The following WWOX variants were observed in gnomAD, a reference collection of about 807,000 sequenced individuals.
The protein encoded by WWOX is WW domain-containing oxidoreductase.
Under a neutral mutation model 46.2 loss-of-function variants are expected in WWOX, and 69 were observed. That is an observed-to-expected ratio of 1.49 (90% CI 1.23 to 1.82). The LOEUF (loss-of-function observed/expected upper bound fraction) is 1.82. WWOX is among the 40% of genes most tolerant of loss of function. The probability of loss-of-function intolerance (pLI) is 0.00; values close to 1 mark genes in which losing one functional copy is unlikely to be tolerated. For synonymous variants in WWOX, 359 were observed against 202.6 expected, an observed-to-expected ratio of 1.77 and a Z score of -6.56; for missense variants, 919 against 542.6, an observed-to-expected ratio of 1.69 and a Z score of -6.89.
At chr16:78,751,131 C>G (rs1041635686) in intron 8 of WWOX, among the ~76,000 whole-genome samples, 31 of 152,172 alleles carry the variant, frequency 2.0e-4, no homozygotes, top group Admixed American at 1.9e-3. Context: ...ACAGTTGAAA[C>G]CATTCCTACT....
intron 8 of WWOX, among the ~76,000 whole-genome samples, chr16:78,465,750 A>G (rs2084060613): frequency 6.6e-6 from 1 of 152,218 alleles, no homozygotes; most frequent in Admixed American, 6.5e-5. Context: ...AGAGGGCACC[A>G]GTAGTGTAAT....
At chr16:78,529,623 C>T (rs986983979) in intron 8 of WWOX, among the ~76,000 whole-genome samples, 4 of 152,056 alleles carry the variant, frequency 2.6e-5, no homozygotes, top group African/African-American at 9.7e-5. Context: ...CATGCCATCA[C>T]ACCTGGCAAT....
At chr16:78,782,981 C>T (rs1392458660) in intron 8 of WWOX, among the ~76,000 whole-genome samples, 1 of 152,184 alleles carries the variant, frequency 6.6e-6, no homozygotes, top group South Asian at 2.1e-4. Context: ...TGCCTGTGAA[C>T]ACAGGGATTT....
chr16:78,391,954 C>T (rs2082182270), intron 6 of WWOX, among the ~76,000 whole-genome samples: 2 of 151,318 alleles, frequency 1.3e-5, no homozygotes, highest in Non-Finnish European at 2.9e-5. Context: ...AATCAGGATT[C>T]AAATAAGGTC....
chr16:78,377,429 A>G (rs1010423163), intron 5 of WWOX, among the ~76,000 whole-genome samples: 1 of 152,228 alleles, frequency 6.6e-6, no homozygotes, highest in Non-Finnish European at 1.5e-5. Flanking sequence ...TTTACGCTTC[A>G]ACTTATTGTA....
chr16:79,094,811 G>GTTTC (rs1323193193), intron 8 of WWOX, among the ~76,000 whole-genome samples: 4 of 152,216 alleles, frequency 2.6e-5, no homozygotes, highest in Middle Eastern at 3.4e-3. Context: ...GAATGACAGT[G>GTTTC]TTTCTTTCAT....
At chr16:78,795,206 G>A (rs1255231899) in intron 8 of WWOX, among the ~76,000 whole-genome samples, 1 of 152,096 alleles carries the variant, frequency 6.6e-6, no homozygotes, top group Non-Finnish European at 1.5e-5. Context: ...GTGCTTTGCG[G>A]GCATTATGTT....
intron 8 of WWOX, among the ~76,000 whole-genome samples, chr16:78,518,377 A>G (rs1258860754): frequency 2.6e-5 from 4 of 151,910 alleles, no homozygotes; most frequent in Non-Finnish European, 5.9e-5. Context: ...GACTATAGGC[A>G]CCTGGCTAAT....
rs569525213 is a variant in WWOX at position 78,710,397 on chromosome 16, G to A, written c.1056+277645G>A. On this transcript the variant is annotated intron_variant, in intron 8 of 8. Transcript: ENST00000566780. The stretch of plus-strand genomic sequence containing the variant: ...TAACCCTCCAGAGCCTTCCGCATCT[G>A]CTATGCAGCATTGGCCACACCAGTG... Among the ~76,000 whole-genome samples, 76 of 146,092 alleles carry A rather than the reference G, an allele frequency of 5.2e-4. 1 individual carries two copies. Among genetic ancestry groups the A allele is most frequent in the Non-Finnish European group, 1.0e-3 (67 of 67,082 alleles).
intron 8 of WWOX, among the ~76,000 whole-genome samples, chr16:78,557,140 TC>T (rs1009427444): frequency 1.3e-5 from 2 of 152,338 alleles, no homozygotes; most frequent in East Asian, 1.9e-4. Flanking sequence ...CATTTGGACT[TC>T]CTTTTTGTAG....
chr16:78,554,031 G>A (rs1469834833), intron 8 of WWOX, among the ~76,000 whole-genome samples: 1 of 152,076 alleles, frequency 6.6e-6, no homozygotes, highest in Non-Finnish European at 1.5e-5. Flanking sequence ...AAGCAGGGAG[G>A]CAACAAATCT....
chr16:78,250,946 T>C (rs111764963), intron 5 of WWOX, among the ~76,000 whole-genome samples: 100 of 152,316 alleles, frequency 6.6e-4, no homozygotes, highest in African/African-American at 2.3e-3. Flanking sequence ...GGGACAGGCA[T>C]GGGGCACAGA....
chr16:78,600,432 C>T (rs1433209659), intron 8 of WWOX, among the ~76,000 whole-genome samples: 4 of 152,116 alleles, frequency 2.6e-5, no homozygotes, highest in African/African-American at 7.2e-5. Context: ...ATCAAGGACT[C>T]GGATTTTTAT....
chr16:78,934,470 C>G (rs2045693317), intron 8 of WWOX, among the ~76,000 whole-genome samples: 1 of 141,080 alleles, frequency 7.1e-6, no homozygotes, highest in African/African-American at 2.6e-5. Flanking sequence ...GATCACGCCA[C>G]TGCACTGCAG....
At chr16:78,209,739 T>TA (rs5818116) in intron 5 of WWOX, among the ~76,000 whole-genome samples, 11 of 145,868 alleles carry the variant, frequency 7.5e-5, no homozygotes, top group Non-Finnish European at 1.2e-4. Flanking sequence ...TTGCGGAGAT[T>TA]AAAAAAAAAA....
intron 8 of WWOX, among the ~76,000 whole-genome samples, chr16:78,958,646 A>G (rs2046216018): frequency 6.6e-6 from 1 of 152,228 alleles, no homozygotes; most frequent in Non-Finnish European, 1.5e-5. Flanking sequence ...GTGTGGTACA[A>G]CAAAGGTTTC....
chr16:79,049,301 A>G (rs2048122623), intron 8 of WWOX, among the ~76,000 whole-genome samples: 1 of 152,338 alleles, frequency 6.6e-6, no homozygotes, highest in East Asian at 1.9e-4. Flanking sequence ...GGAAGTAAGC[A>G]TAATAGTGCA....
At chr16:78,634,738 G>A (rs188773488) in intron 8 of WWOX, among the ~76,000 whole-genome samples, 9 of 151,078 alleles carry the variant, frequency 6.0e-5, no homozygotes, top group Admixed American at 1.3e-4. Context: ...CTAAATCAGT[G>A]GATTCTGCCG....
intron 6 of WWOX, among the ~76,000 whole-genome samples, chr16:78,415,691 G>A (rs920339285): frequency 1.3e-5 from 2 of 152,114 alleles, no homozygotes; most frequent in South Asian, 2.1e-4. Flanking sequence ...GGATCTTGAG[G>A]GGTTAAAAAA....
Sources: gnomAD v4.1 joint callset for allele counts (sites outside exome capture counted in the v4.1 genomes callset) on GRCh38, gnomAD v4.1.1 for gene constraint, MANE v1.5 for transcripts, NCBI Gene and HGNC (gene_info 2026-07-23, HGNC 2026-07-21) for gene names.